Variants in APBB2 observed in about 807,000 individuals in gnomAD.
APBB2 encodes Fe65-like 1.
Under a neutral mutation model 82.5 loss-of-function variants are expected in APBB2, and 38 were observed. That is an observed-to-expected ratio of 0.46 (90% CI 0.36 to 0.60). The LOEUF is 0.60. APBB2 is among the 20% of genes least tolerant of loss of function. The pLI is 0.00. For synonymous variants in APBB2, 341 were observed against 368.2 expected (o/e 0.93, Z 0.85); for missense variants, 772 against 972.3 (o/e 0.79, Z 2.74).
intron 12 of APBB2, among the ~76,000 whole-genome samples, chr4:40,846,188 T>C (rs1443231328): frequency 6.6e-6 from 1 of 151,968 alleles, no homozygotes; most frequent in Non-Finnish European, 1.5e-5. Context: ...ATAAAGCTCC[T>C]ACAGGATGGC....
chr4:40,957,300 A>G (rs932945409), intron 6 of APBB2, among the ~76,000 whole-genome samples: 1 of 152,066 alleles, frequency 6.6e-6, no homozygotes, highest in Non-Finnish European at 1.5e-5. Context: ...GATTTCTGAG[A>G]GTCTGCAACA....
chr4:41,090,757 T>C (rs1741402423), intron 3 of APBB2, among the ~76,000 whole-genome samples: 1 of 152,136 alleles, frequency 6.6e-6, no homozygotes, highest in Non-Finnish European at 1.5e-5. Context: ...AGCAAGTTAG[T>C]ATGTATGGTC....
At chr4:41,157,698 A>C (rs1763827492) in intron 1 of APBB2, among the ~76,000 whole-genome samples, 1 of 152,192 alleles carries the variant, frequency 6.6e-6, no homozygotes, top group African/African-American at 2.4e-5. Flanking sequence ...CTTAGCTGAG[A>C]GCTACGACTC....
intron 12 of APBB2, chr4:40,890,159 G>T (rs1458986672): frequency 8.0e-6 from 5 of 626,118 alleles, no homozygotes; most frequent in African/African-American, 7.5e-5. Flanking sequence ...GTTGACAAAA[G>T]ATTTGAGATA....
intron 6 of APBB2, among the ~76,000 whole-genome samples, chr4:40,978,774 C>T (rs947353829): frequency 4.6e-5 from 7 of 152,084 alleles, no homozygotes; most frequent in African/African-American, 1.4e-4. Context: ...CAAGCAAAAG[C>T]TCATTTTCTC....
At chr4:41,119,719 T>C (rs928160399) in intron 2 of APBB2, among the ~76,000 whole-genome samples, 6 of 151,996 alleles carry the variant, frequency 3.9e-5, no homozygotes. Flanking sequence ...GAGACTCCTC[T>C]CAACTGTAAC....
At chr4:41,057,292 A>T (rs567089388) in intron 4 of APBB2, among the ~76,000 whole-genome samples, 1 of 152,172 alleles carries the variant, frequency 6.6e-6, no homozygotes, top group South Asian at 2.1e-4. Context: ...CTCTACTAAA[A>T]ATACAAAAAT....
At chr4:41,069,373 G>A (rs147602659) in intron 3 of APBB2, among the ~76,000 whole-genome samples, 1 of 152,254 alleles carries the variant, frequency 6.6e-6, no homozygotes, top group East Asian at 1.9e-4. Flanking sequence ...AAGTATCCCA[G>A]TAATGCCAAA....
Position 40,811,496 on chromosome 4 carries a change from G to A in APBB2, c.*4596C>T, listed in dbSNP as rs1577601865. ...GAACTTGGGAGGTGGAGGTTGTGGT[G>A]AGCTGAAATTACACCACTGCACTCC... is the stretch of plus-strand genomic sequence containing the variant. On this transcript the variant is annotated 3_prime_UTR_variant, in exon 18 of 18. Transcript: ENST00000508593. 1 of 142,956 alleles carries A rather than the reference G, an allele frequency of 7.0e-6. No homozygotes were observed. Among genetic ancestry groups the A allele is most frequent in the East Asian group, 2.0e-4 (1 of 4,958 alleles). 8.9% of individuals were successfully genotyped at this position (142,956 alleles called of 1,614,324 possible).
At chr4:40,849,683 A>G (rs1165572607) in intron 12 of APBB2, among the ~76,000 whole-genome samples, 1 of 151,430 alleles carries the variant, frequency 6.6e-6, no homozygotes, top group African/African-American at 2.4e-5. Context: ...ACTTCTTGAT[A>G]CAGTTTGAAA....
chr4:40,954,794 G>T (rs753667333), intron 6 of APBB2, among the ~76,000 whole-genome samples: 1 of 152,180 alleles, frequency 6.6e-6, no homozygotes, highest in Non-Finnish European at 1.5e-5. Flanking sequence ...CTCCCAAGTA[G>T]CTGGGATTAT....
At chr4:41,087,450 G>T (rs1435342693) in intron 3 of APBB2, among the ~76,000 whole-genome samples, 1 of 152,042 alleles carries the variant, frequency 6.6e-6, no homozygotes, top group Non-Finnish European at 1.5e-5. Context: ...TTTCTTTTGA[G>T]ATGGAGTCTT....
At chr4:41,181,765 G>C (rs757165576) in intron 1 of APBB2, among the ~76,000 whole-genome samples, 5 of 151,930 alleles carry the variant, frequency 3.3e-5, no homozygotes, top group African/African-American at 4.8e-5. Flanking sequence ...GACCAACATG[G>C]AGCAACCCTG....
Position 41,126,445 on chromosome 4 carries a change from A to G in APBB2, c.-261+16542T>C, listed in dbSNP as rs144800183. 9.2e-5 allele frequency among the ~76,000 whole-genome samples: 14 copies of G among 152,310 alleles called. No individual in the cohort carries two copies. The East Asian group carries it at 2.7e-3, about 29-fold the overall frequency. The stretch of plus-strand genomic sequence containing the variant: ...CAGAAATGAATGACTAATGAACAAC[A>G]GACAACAGCAGTTACCTGGCGACCC... On this transcript the variant is annotated intron_variant, in intron 2 of 17. Transcript: ENST00000508593.
At chr4:41,016,762 G>A (rs1461716890) in intron 5 of APBB2, among the ~76,000 whole-genome samples, 1 of 151,694 alleles carries the variant, frequency 6.6e-6, no homozygotes, top group Non-Finnish European at 1.5e-5. Context: ...AATAATGGAG[G>A]GCAGGCAGGA....
intron 2 of APBB2, among the ~76,000 whole-genome samples, chr4:41,119,040 G>A (rs376376426): frequency 6.6e-6 from 1 of 152,060 alleles, no homozygotes; most frequent in Non-Finnish European, 1.5e-5. Context: ...TCAGGAGGAG[G>A]GGGCAGGAAG....
At chr4:41,052,767 TTTC>T (rs138537511) in intron 4 of APBB2, among the ~76,000 whole-genome samples, 19,933 of 144,850 alleles carry the variant, frequency 0.14, 1,524 homozygotes, top group Non-Finnish European at 0.2. Context: ...TCTTTCTTTC[TTTC>T]TTCTTTTTTT....
At chr4:41,125,828 G>C (rs1357936261) in intron 2 of APBB2, among the ~76,000 whole-genome samples, 1 of 152,182 alleles carries the variant, frequency 6.6e-6, no homozygotes. Flanking sequence ...ACAGTCTCTT[G>C]AGAAAGCAGC....
chr4:40,861,852 T>C lies in APBB2; in HGVS notation c.1529+28512A>G, dbSNP rs114256831. Among the ~76,000 whole-genome samples, 214 of 152,338 alleles carry C rather than the reference T, an allele frequency of 1.4e-3. 1 individual carries two copies. Among genetic ancestry groups the C allele is most frequent in the African/African-American group, 4.8e-3 (199 of 41,574 alleles). Reference sequence around the variant, plus strand: ...CTAAAAATAAAAATGTTACTCAGGATTATGATACACTTTAAAAAGCCAGAC... The same window carrying C: ...CTAAAAATAAAAATGTTACTCAGGACTATGATACACTTTAAAAAGCCAGAC... On this transcript the variant is annotated intron_variant, in intron 12 of 17. Coordinates refer to ENST00000508593, the MANE Select transcript of APBB2 (RefSeq NM_004307.2).
Sources: allele counts gnomAD v4.1 joint callset (sites outside exome capture counted in the v4.1 genomes callset), GRCh38; gene constraint gnomAD v4.1.1; transcripts MANE v1.5; gene names NCBI Gene and HGNC (gene_info 2026-07-23, HGNC 2026-07-21).